TRUB1: variants seen among roughly 807,000 people sequenced by gnomAD.
TRUB1 encodes pseudouridylate synthase TRUB1.
TRUB1 carries 23 observed loss-of-function variants against 33.9 expected under a neutral mutation model. The ratio of observed to expected loss-of-function variants is 0.68; its 90% confidence interval spans 0.49 to 0.96. The LOEUF is 0.96. Among genes scored for constraint, TRUB1 ranks in the 40% least tolerant of loss-of-function variants. The pLI, the probability that TRUB1 is intolerant of heterozygous loss-of-function variation, is 0.00. For missense variants in TRUB1, 378 were observed against 422.2 expected (o/e 0.90, Z 0.92); for synonymous variants, 163 against 165.4 (o/e 0.99, Z 0.11).
At chr10:114,959,635 T>C (rs1445893948) in intron 3 of TRUB1, 91 bp from the exon 4 acceptor site, 2 of 791,214 alleles carry the variant, frequency 2.5e-6, no homozygotes, top group African/African-American at 3.4e-5. Flanking sequence ...AGGTTGGTAG[T>C]AGTAGTGAAA....
At chr10:114,969,010 AGTTT>A (rs1204429686) in intron 4 of TRUB1, among the ~76,000 whole-genome samples, 1 of 152,190 alleles carries the variant, frequency 6.6e-6, no homozygotes, top group Non-Finnish European at 1.5e-5. Flanking sequence ...TCTGTGATTT[AGTTT>A]ATTACTAAAT....
At chr10:114,969,482 A>G (rs2084325531) in intron 4 of TRUB1, 1 of 151,778 alleles carries the variant, frequency 6.6e-6, no homozygotes, top group African/African-American at 2.4e-5. Context: ...CACTTCACTA[A>G]TTTGCATGTC....
intron 3 of TRUB1, 56 bp downstream of exon 3, chr10:114,951,205 A>T: frequency 1.1e-5 from 16 of 1,406,014 alleles, no homozygotes; most frequent in Non-Finnish European, 1.6e-5. Context: ...ATCTACATGT[A>T]TTGGGTTTTT....
intron 4 of TRUB1, among the ~76,000 whole-genome samples, chr10:114,968,047 T>C (rs2084318350): frequency 6.6e-6 from 1 of 152,158 alleles, no homozygotes; most frequent in Non-Finnish European, 1.5e-5. Context: ...TTTGAGAAGC[T>C]TAGAATTTCA....
intron 2 of TRUB1, among the ~76,000 whole-genome samples, chr10:114,945,718 A>T (rs893383009): frequency 3.9e-5 from 6 of 152,080 alleles, no homozygotes; most frequent in Non-Finnish European, 8.8e-5. Flanking sequence ...TCGTTAGTGT[A>T]TTATGTGTGT....
intron 2 of TRUB1, among the ~76,000 whole-genome samples, chr10:114,947,024 C>G (rs2084214293): frequency 6.6e-6 from 1 of 152,066 alleles, no homozygotes; most frequent in African/African-American, 2.4e-5. Context: ...CCAATGTAAT[C>G]ACAATATTCT....
chr10:114,939,830 T>C (rs2084178227), intron 1 of TRUB1, among the ~76,000 whole-genome samples: 3 of 151,056 alleles, frequency 2.0e-5, no homozygotes, highest in Non-Finnish European at 1.5e-5. Context: ...TCTTTTCTTT[T>C]TTTTTTTTTT....
Position 114,977,515 on chromosome 10 carries a change from G to A in TRUB1, c.*2136G>A, listed in dbSNP as rs2084366992. The A allele has an allele frequency of 6.6e-6, 1 of 151,964 alleles. No individual in the cohort carries two copies. 9.4% of individuals were successfully genotyped at this position (151,964 alleles called of 1,614,324 possible). ...GTTTGCCTTATTGCATTCCCAAAGA[G>A]TTGTAACATTTTACAGTGTTACCAT... On this transcript the variant is annotated 3_prime_UTR_variant, in exon 8 of 8. Coordinates refer to ENST00000298746, the MANE Select transcript of TRUB1 (RefSeq NM_139169.5).
chr10:114,938,197 T>A lies in TRUB1; in HGVS notation c.-57T>A, dbSNP rs962797701. ...AGGAAGAGGGTCCTGTCAGGCGCACTCTTGTTGCATCATCAGCGTGCACCT... is the reference window on the plus strand; with the variant it reads ...AGGAAGAGGGTCCTGTCAGGCGCACACTTGTTGCATCATCAGCGTGCACCT... On this transcript the variant is annotated 5_prime_UTR_variant, in exon 1 of 8. Coordinates refer to ENST00000298746, the MANE Select transcript of TRUB1 (RefSeq NM_139169.5). 18 of 1,585,058 alleles carry A rather than the reference T, an allele frequency of 1.1e-5. No homozygotes were observed. Among genetic ancestry groups the A allele is most frequent in the Non-Finnish European group, 1.5e-5 (18 of 1,165,546 alleles).
At chr10:114,948,965 C>T (rs2084222774) in intron 2 of TRUB1, among the ~76,000 whole-genome samples, 1 of 152,248 alleles carries the variant, frequency 6.6e-6, no homozygotes, top group Non-Finnish European at 1.5e-5. Flanking sequence ...CTAATACAAA[C>T]TCCGAAATGC....
At chr10:114,962,040 A>G (rs2084286874) in intron 4 of TRUB1, among the ~76,000 whole-genome samples, 1 of 152,244 alleles carries the variant, frequency 6.6e-6, no homozygotes, top group Non-Finnish European at 1.5e-5. Flanking sequence ...AAAGTAATTT[A>G]TAATAAAGTA....
At chr10:114,975,081 C>A (rs775485521) in intron 7 of TRUB1, 42 bp from the exon 8 acceptor site, 24 of 1,569,306 alleles carry the variant, frequency 1.5e-5, no homozygotes, top group Non-Finnish European at 2.0e-5. Context: ...AATACTGAAT[C>A]GTTTATCTTC....
intron 3 of TRUB1, among the ~76,000 whole-genome samples, chr10:114,957,310 A>G (rs1274444681): frequency 2.6e-5 from 4 of 152,226 alleles, no homozygotes; most frequent in Admixed American, 2.0e-4. Flanking sequence ...GAGATAAACC[A>G]GACATGTCTG....
rs115883716 is a variant in TRUB1, at chr10:114,951,964, A to G, written c.441+815A>G. On this transcript the variant is annotated intron_variant, in intron 3 of 7. Transcript: ENST00000298746. Reference sequence around the variant, plus strand: ...GTTTCTTTAAAAAAATCTGTTGTCAAAGACCATTTAAAAAACAATTTCCAG... The same window carrying G: ...GTTTCTTTAAAAAAATCTGTTGTCAGAGACCATTTAAAAAACAATTTCCAG... 9.5e-3 allele frequency among the ~76,000 whole-genome samples: 1,442 copies of G among 152,346 alleles called. 21 individuals carry two copies. The highest frequency in any genetic ancestry group is 0.034 in the African/African-American group (1,399 of 41,570).
Position 114,975,526 on chromosome 10 carries a change from C to A in TRUB1, c.*147C>A. 1.3e-6 allele frequency: 1 copy of A among 746,428 alleles called. No homozygotes were observed. The highest frequency in any genetic ancestry group is 2.0e-6 in the Non-Finnish European group (1 of 492,992). 46.2% of individuals were successfully genotyped at this position (746,428 alleles called of 1,614,324 possible). A position where few individuals can be genotyped will look rare whatever the true frequency, so the allele number is the denominator to read the frequency against. ...TGTCTATCATTTACAGTTTCAATAG[C>A]ACATAATTTATTTTCTATGCATTAT... On this transcript the variant is annotated 3_prime_UTR_variant, in exon 8 of 8. Coordinates refer to ENST00000298746, the MANE Select transcript of TRUB1 (RefSeq NM_139169.5).
chr10:114,958,369 T>C (rs1268326408), intron 3 of TRUB1, among the ~76,000 whole-genome samples: 2 of 152,224 alleles, frequency 1.3e-5, no homozygotes, highest in Non-Finnish European at 2.9e-5. Flanking sequence ...TTCCCTTCTG[T>C]ATTATATTTA....
chr10:114,975,445 C>A lies in TRUB1; in HGVS notation c.*66C>A. On this transcript the variant is annotated 3_prime_UTR_variant, in exon 8 of 8. Coordinates refer to ENST00000298746, the MANE Select transcript of TRUB1 (RefSeq NM_139169.5). ...AATCCTGTGTGCAGATGCAGAATGA[C>A]AAGCTGCATTCAAAAGACAAACAAT... 4 of 1,381,056 alleles carry A rather than the reference C, an allele frequency of 2.9e-6. No individual in the cohort carries two copies. The highest frequency in any genetic ancestry group is 1.7e-5 in the South Asian group (1 of 58,214). 85.6% of individuals were successfully genotyped at this position (1,381,056 alleles called of 1,614,324 possible). A position where few individuals can be genotyped will look rare whatever the true frequency, so the allele number is the denominator to read the frequency against.
chr10:114,946,459 A>C (rs2084211980), intron 2 of TRUB1, among the ~76,000 whole-genome samples: 1 of 152,010 alleles, frequency 6.6e-6, no homozygotes, highest in South Asian at 2.1e-4. Flanking sequence ...CTCCTGCTTC[A>C]GCCTCCTGAC....
rs774339632 is a variant in TRUB1, at chr10:114,959,776, T to C, written c.492T>C (p.Ser164=). The C allele has an allele frequency of 6.2e-7, 1 of 1,609,118 alleles. No individual in the cohort carries two copies. Among genetic ancestry groups the C allele is most frequent in the East Asian group, 2.2e-5 (1 of 44,832 alleles). ...ELGKATDTLD[S]TGRVTEEKPY... is the part of the protein sequence containing the mutation. ...GGAAAGCTACTGATACACTAGATTC[T>C]ACGGGGAGGGTAACAGAAGAAAAAC... Residue 164 remains serine (S), a synonymous_variant, in exon 4 of 8, where the codon TCT becomes TCC. Coordinates refer to ENST00000298746, the MANE Select transcript of TRUB1 (RefSeq NM_139169.5).
Sources: allele counts gnomAD v4.1 joint callset (sites outside exome capture counted in the v4.1 genomes callset), GRCh38; gene constraint gnomAD v4.1.1; transcripts MANE v1.5; gene names NCBI Gene and HGNC (gene_info 2026-07-23, HGNC 2026-07-21).